The following SPTBN5 variants were observed in gnomAD, a reference collection of about 807,000 sequenced individuals.
The protein encoded by SPTBN5 is spectrin beta chain, non-erythrocytic 5.
Under a neutral mutation model 477.6 loss-of-function variants are expected in SPTBN5, and 513 were observed. That is an observed-to-expected ratio of 1.07 (90% CI 1.00 to 1.16). The LOEUF (loss-of-function observed/expected upper bound fraction) is 1.16. Ranked by LOEUF, SPTBN5 falls within the 50% of genes most tolerant of loss-of-function variation. SPTBN5 has a pLI of 0.00. For synonymous variants in SPTBN5, 2,169 were observed against 2,011.7 expected, an observed-to-expected ratio of 1.08 and a Z score of -2.09; for missense variants, 5,062 against 4,731.8, an observed-to-expected ratio of 1.07 and a Z score of -2.05.
intron 43 of SPTBN5, 29 bp downstream of exon 43, chr15:41,862,510 C>A (rs776612390): frequency 1.3e-6 from 2 of 1,573,606 alleles, no homozygotes; most frequent in East Asian, 2.3e-5. Context: ...GAGGATGGGT[C>A]GGCGAGGGCA....
At chr15:41,882,893 G>A in intron 9 of SPTBN5, 103 bp downstream of exon 9, 1 of 1,366,904 alleles carries the variant, frequency 7.3e-7, no homozygotes, top group Non-Finnish European at 9.9e-7. Flanking sequence ...GAGGGTCAGT[G>A]TGGAGAAAAC....
intron 1 of SPTBN5, 72 bp from the exon 2 acceptor site, chr15:41,893,618 T>A (rs1020599870): frequency 1.4e-6 from 2 of 1,445,150 alleles, no homozygotes; most frequent in African/African-American, 1.4e-5. Flanking sequence ...GGGTCCCGCC[T>A]TGCCAGACTG....
intron 19 of SPTBN5, 63 bp from the exon 20 acceptor site, chr15:41,876,710 CACTCTCCCCCACCCCCT>C (rs1348500127): frequency 3.2e-6 from 5 of 1,555,014 alleles, no homozygotes; most frequent in Non-Finnish European, 4.4e-6. Flanking sequence ...GCACGAGGTG[CACTCTCCCCCACCCCCT>C]ACTCTCCCAG....
At position 41,861,721 on chromosome 15, in the gene SPTBN5, G is replaced by T; in HGVS notation, c.7737+14C>A. The stretch of plus-strand genomic sequence containing the variant: ...GGGGGGCAAGATGCAGGCTGGGGAT[G>T]GGACTGTGCCTGCCTGTAGCTCCAG... On this transcript the variant is annotated intron_variant, in intron 45 of 67. Coordinates refer to ENST00000320955, the MANE Select transcript of SPTBN5 (RefSeq NM_016642.4). 1 of 1,534,446 alleles carries T rather than the reference G, an allele frequency of 6.5e-7. No individual in the cohort carries two copies. Among genetic ancestry groups the T allele is most frequent in the South Asian group, 1.2e-5 (1 of 83,158 alleles).
At chr15:41,862,002 G>C (rs2066126325) in intron 44 of SPTBN5, 79 bp from the exon 45 acceptor site, 3 of 1,535,202 alleles carry the variant, frequency 2.0e-6, no homozygotes, top group Non-Finnish European at 2.6e-6. Flanking sequence ...AGCAGCTGAG[G>C]AGCGGGAGGC....
chr15:41,861,210 T>C (rs974473132), intron 46 of SPTBN5, among the ~76,000 whole-genome samples: 3 of 152,166 alleles, frequency 2.0e-5, no homozygotes, highest in African/African-American at 7.2e-5. Flanking sequence ...AGCTCCTTGG[T>C]GTTCGCGGTG....
chr15:41,864,526 C>A (rs563508254), intron 39 of SPTBN5, among the ~76,000 whole-genome samples: 14 of 152,348 alleles, frequency 9.2e-5, no homozygotes, highest in African/African-American at 2.6e-4. Flanking sequence ...GTTGGCCAGG[C>A]TTGTCTCAAA....
At position 41,888,691 on chromosome 15, in the gene SPTBN5, C is replaced by G. The variant is rs551893020; in HGVS notation, c.502-606G>C. Among the ~76,000 whole-genome samples the G allele has an allele frequency of 1.1e-4, 16 of 152,360 alleles. No homozygotes were observed. The East Asian group carries it at 2.9e-3, about 28-fold the overall frequency. On this transcript the variant is annotated intron_variant, in intron 4 of 67. Coordinates refer to ENST00000320955, the MANE Select transcript of SPTBN5 (RefSeq NM_016642.4). Reference sequence around the variant, plus strand: ...GGCTAGGCTGGTCTCAAACTCCTGACTTTAAATAATCTGCCTGCCTTGGCC... The same window carrying G: ...GGCTAGGCTGGTCTCAAACTCCTGAGTTTAAATAATCTGCCTGCCTTGGCC...
Position 41,878,331 on chromosome 15 carries a change from C to G in SPTBN5, c.3470+11G>C, listed in dbSNP as rs2066818120. On this transcript the variant is annotated intron_variant, in intron 17 of 67. Transcript: ENST00000320955. ...GCCCAAAGTGCACCCCTTCTGCCCT[C>G]CTGTCCTGACCTCTCCTGCCACAGG... The G allele has an allele frequency of 6.2e-7, 1 of 1,612,530 alleles. No individual in the cohort carries two copies.
At position 41,882,056 on chromosome 15, in the gene SPTBN5, G is replaced by A; in HGVS notation, c.2337C>T (p.Ala779=). 3.2e-6 allele frequency: 5 copies of A among 1,560,182 alleles called. No homozygotes were observed. Among genetic ancestry groups the A allele is most frequent in the Non-Finnish European group, 4.3e-6 (5 of 1,164,906 alleles). ...ERASCGQDQA[A]AETLLRRHVR... ...CGTGGCGCCTCAGCAGGGTCTCGGC[G>A]GCCGCCTGGTCCTGACCGCAGGACG... The change falls in exon 12 of 68, where the codon GCC becomes GCT. Residue 779 remains alanine (A), a synonymous_variant. Transcript: ENST00000320955.
chr15:41,856,924 GC>G lies in SPTBN5; in HGVS notation c.8736del (p.Lys2912AsnfsTer14). On this transcript the variant is annotated frameshift_variant, in exon 52 of 68. Coordinates refer to ENST00000320955, the MANE Select transcript of SPTBN5 (RefSeq NM_016642.4). LOFTEE classifies it high-confidence loss of function. ...ADEEMAWVQE[K>X]LPLAAAQDYG... Reference sequence around the variant, plus strand: ...TAGTCCTGGGCAGCGGCCAGAGGCAGCTTCTCCTGCACCCAGGCCATTTCCT... The same window carrying G: ...TAGTCCTGGGCAGCGGCCAGAGGCAGTTCTCCTGCACCCAGGCCATTTCCT... The G allele has an allele frequency of 1.3e-6, 2 of 1,562,618 alleles. No homozygotes were observed. The highest frequency in any genetic ancestry group is 1.7e-6 in the Non-Finnish European group (2 of 1,154,006).
At position 41,853,486 on chromosome 15, in the gene SPTBN5, G is replaced by A. The variant is rs774450771; in HGVS notation, c.9981-39C>T. On this transcript the variant is annotated intron_variant, in intron 58 of 67. Transcript: ENST00000320955. Reference sequence around the variant, plus strand: ...AAGGGAGCTGTTGTCAGGGCTGGCTGGGGAGCAGGGGAGGGAGGGTCCAGC... The same window carrying A: ...AAGGGAGCTGTTGTCAGGGCTGGCTAGGGAGCAGGGGAGGGAGGGTCCAGC... 1.4e-5 allele frequency: 22 copies of A among 1,540,446 alleles called. No homozygotes were observed. The East Asian group carries it at 3.0e-4, about 21-fold the overall frequency.
rs896073598 is a variant in SPTBN5, at chr15:41,856,867, G to A, written c.8794C>T (p.Gln2932Ter). The change falls in exon 52 of 68, where the codon CAG (glutamine) becomes TAG (stop). Residue 2932 changes from glutamine to a stop codon, truncating the protein, a stop_gained. Transcript: ENST00000320955. LOFTEE classifies it high-confidence loss of function. ...GQSLSAVRHL[Q>*]EQHQNLESEM... ...TGGGCCCACACCTGGTGCTGCTCCT[G>A]CAGGTGCCGCACCGCACTCAGGCTC... 7 of 1,547,290 alleles carry A rather than the reference G, an allele frequency of 4.5e-6. No individual in the cohort carries two copies. Among genetic ancestry groups the A allele is most frequent in the African/African-American group, 2.7e-5 (2 of 73,016 alleles).
chr15:41,851,245 CA>C (rs1567179234), intron 64 of SPTBN5, 37 bp downstream of exon 64: 2 of 1,553,826 alleles, frequency 1.3e-6, no homozygotes, highest in East Asian at 2.4e-5. Flanking sequence ...TGCTTCCCAG[CA>C]CCCTGATGTC....
chr15:41,853,433 T>TC lies in SPTBN5; in HGVS notation c.9994dup (p.Glu3332GlyfsTer13), dbSNP rs755689925. 3.8e-6 allele frequency: 6 copies of TC among 1,585,114 alleles called. No homozygotes were observed. The highest frequency in any genetic ancestry group is 4.3e-6 in the Non-Finnish European group (5 of 1,160,764). ...CTCGGAGGACGCCAGCTCCTGCCTC[T>TC]CCTGTGCCCATGCTCTGTGGGGCAG... is the stretch of plus-strand genomic sequence containing the variant. On this transcript the variant is annotated frameshift_variant, in exon 59 of 68. Coordinates refer to ENST00000320955, the MANE Select transcript of SPTBN5 (RefSeq NM_016642.4). LOFTEE classifies it high-confidence loss of function.
chr15:41,864,759 C>T (rs983915329), intron 39 of SPTBN5, among the ~76,000 whole-genome samples: 3 of 152,240 alleles, frequency 2.0e-5, no homozygotes, highest in Non-Finnish European at 2.9e-5. Context: ...GCTGCTTGGA[C>T]ACTGGATGGG....
At chr15:41,870,759 G>T (rs890509) in intron 29 of SPTBN5, among the ~76,000 whole-genome samples, 199 bp from the exon 30 acceptor site, 40,703 of 152,196 alleles carry the variant, frequency 0.27, 6,520 homozygotes, top group Middle Eastern at 0.49. Flanking sequence ...GCTTTACCAT[G>T]AATTCAGTGC....
Position 41,848,425 on chromosome 15 carries a change from T to C in SPTBN5, c.*191A>G. 1.5e-6 allele frequency: 1 copy of C among 670,196 alleles called. No individual in the cohort carries two copies. The highest frequency in any genetic ancestry group is 2.7e-6 in the Non-Finnish European group (1 of 371,320). The allele number at this position is 670,196 out of a possible 1,614,324, so 41.5% of individuals were successfully genotyped here. On this transcript the variant is annotated 3_prime_UTR_variant, in exon 68 of 68. Transcript: ENST00000320955. The stretch of plus-strand genomic sequence containing the variant: ...AGGAATGCAGGGGGAGGCCAGGCAA[T>C]GGCTGTTTCCTGCCACATGGTAGGA...
intron 13 of SPTBN5, 145 bp from the exon 14 acceptor site, chr15:41,880,457 G>T: frequency 4.7e-6 from 4 of 858,504 alleles, no homozygotes; most frequent in Non-Finnish European, 7.0e-6. Context: ...CTCACTGCTG[G>T]GCCCCACATC....
Sources: allele counts gnomAD v4.1 joint callset (sites outside exome capture counted in the v4.1 genomes callset), GRCh38; gene constraint gnomAD v4.1.1; transcripts MANE v1.5; gene names NCBI Gene and HGNC (gene_info 2026-07-23, HGNC 2026-07-21).